Variants in CAST observed in about 807,000 individuals in gnomAD.
CAST encodes the protein calpastatin.
Under a neutral mutation model 119.6 loss-of-function variants are expected in CAST, and 76 were observed. The ratio of observed to expected loss-of-function variants is 0.64; its 90% CI spans 0.53 to 0.77. The LOEUF is 0.77. Among genes scored for constraint, CAST ranks in the 30% least tolerant of loss-of-function variants. The pLI is 0.00. For synonymous variants in CAST, 319 were observed against 331.6 expected (o/e 0.96, Z 0.41); for missense variants, 953 against 946.5 (o/e 1.01, Z -0.09).
chr5:96,647,677 A>G (rs1748033137), intron 1 of CAST, among the ~76,000 whole-genome samples: 1 of 152,126 alleles, frequency 6.6e-6, no homozygotes, highest in Non-Finnish European at 1.5e-5. Context: ...AAATAAATAA[A>G]CTAAACTGAG....
chr5:96,762,190 C>A, intron 24 of CAST, 84 bp from the exon 25 acceptor site: 1 of 734,034 alleles, frequency 1.4e-6, no homozygotes, highest in Non-Finnish European at 2.2e-6. Context: ...ATTAAGCTAT[C>A]TTTAAGAGTT....
the CAST span, among the ~76,000 whole-genome samples, chr5:96,319,502 C>T: frequency 6.6e-6 from 1 of 152,174 alleles, no homozygotes; most frequent in African/African-American, 2.4e-5. Context: ...GCTACACTAC[C>T]TTCCCCATGG....
At chr5:96,564,910 A>C (rs964410806) in intron 1 of CAST, among the ~76,000 whole-genome samples, 1 of 151,526 alleles carries the variant, frequency 6.6e-6, no homozygotes, top group Non-Finnish European at 1.5e-5. Flanking sequence ...CCCTGTCTCA[A>C]AAAAAAGTCA....
At chr5:95,963,615 A>G in the CAST span, among the ~76,000 whole-genome samples, 7 of 152,258 alleles carry the variant, frequency 4.6e-5, no homozygotes, top group African/African-American at 1.7e-4. Flanking sequence ...AGGCTTTACT[A>G]CCTAGTTTTC....
chr5:96,667,445 T>G (rs6897588), intron 1 of CAST, among the ~76,000 whole-genome samples: 46,476 of 152,008 alleles, frequency 0.31, 8,753 homozygotes, highest in African/African-American at 0.53. Context: ...ACTATTTAAA[T>G]TCTCATGATA....
the CAST span, among the ~76,000 whole-genome samples, chr5:96,435,674 C>G: frequency 6.6e-6 from 1 of 152,086 alleles, no homozygotes; most frequent in East Asian, 1.9e-4. Context: ...ATATAGAAAA[C>G]CGGATACTCC....
At chr5:96,728,796 T>G in intron 6 of CAST, 1 of 174,430 alleles carries the variant, frequency 5.7e-6, no homozygotes, top group South Asian at 1.4e-4. Flanking sequence ...TTTTCTAGAG[T>G]GGGATTAGCT....
At chr5:96,185,176 C>A in the CAST span, among the ~76,000 whole-genome samples, 3 of 152,134 alleles carry the variant, frequency 2.0e-5, no homozygotes, top group Non-Finnish European at 4.4e-5. Flanking sequence ...ATGTCCTTTG[C>A]CCACTTTTTA....
chr5:96,537,986 T>C (rs1745848103), intron 1 of CAST, among the ~76,000 whole-genome samples: 1 of 152,196 alleles, frequency 6.6e-6, no homozygotes, highest in Admixed American at 6.5e-5. Context: ...GCCCTCTCTT[T>C]CACTTGGCCT....
At chr5:96,546,788 C>T (rs1412152322) in intron 1 of CAST, among the ~76,000 whole-genome samples, 6 of 152,048 alleles carry the variant, frequency 3.9e-5, no homozygotes, top group Non-Finnish European at 1.5e-5. Context: ...ACCTTTTTTT[C>T]CACTCTATAG....
the CAST span, among the ~76,000 whole-genome samples, chr5:96,393,783 C>T: frequency 2.6e-5 from 4 of 152,170 alleles, no homozygotes; most frequent in African/African-American, 7.2e-5. Flanking sequence ...CCACTGGTTG[C>T]GGTAGCATGG....
chr5:96,443,642 C>A, the CAST span, among the ~76,000 whole-genome samples: 1 of 152,200 alleles, frequency 6.6e-6, no homozygotes, highest in African/African-American at 2.4e-5. Flanking sequence ...CACTTAGTAT[C>A]TTGAAAACAA....
intron 1 of CAST, among the ~76,000 whole-genome samples, chr5:96,606,493 C>T (rs1429128796): frequency 6.6e-6 from 1 of 152,130 alleles, no homozygotes; most frequent in African/African-American, 2.4e-5. Context: ...GGAGGACAGG[C>T]CTAGAGGAGG....
chr5:96,325,796 G>T, the CAST span, among the ~76,000 whole-genome samples: 1 of 152,118 alleles, frequency 6.6e-6, no homozygotes, highest in Admixed American at 6.6e-5. Flanking sequence ...CTCTTAGAAA[G>T]AAGCAATATA....
intron 1 of CAST, among the ~76,000 whole-genome samples, chr5:96,561,796 G>GTTTTTTTGTTTTTTTGTTTTTTTTTT: frequency 1.0e-5 from 1 of 97,422 alleles, no homozygotes; most frequent in East Asian, 3.6e-4. Flanking sequence ...GTTTTTTTTT[G>GTTTTTTTGTTTTTTTGTTTTTTTTTT]TTTTTTTTTT....
chr5:96,303,658 T>G, the CAST span, among the ~76,000 whole-genome samples: 2 of 150,220 alleles, frequency 1.3e-5, no homozygotes, highest in African/African-American at 2.4e-5. Context: ...TGTCCATGTG[T>G]TCTCATTATT....
At chr5:96,002,982 T>C in the CAST span, among the ~76,000 whole-genome samples, 2 of 152,096 alleles carry the variant, frequency 1.3e-5, no homozygotes, top group Admixed American at 1.3e-4. Context: ...ATGCCTGTAA[T>C]CCCAGCACTT....
At chr5:95,978,141 TA>T in the CAST span, among the ~76,000 whole-genome samples, 2 of 152,202 alleles carry the variant, frequency 1.3e-5, no homozygotes, top group African/African-American at 4.8e-5. Flanking sequence ...TAGAATGATT[TA>T]TATTTTTTTG....
chr5:96,721,221 G>T (rs1362052115), intron 3 of CAST, among the ~76,000 whole-genome samples: 2 of 152,034 alleles, frequency 1.3e-5, no homozygotes, highest in Non-Finnish European at 2.9e-5. Flanking sequence ...TTGGTGGAAG[G>T]GAGTGTCCAG....
Sources: allele counts gnomAD v4.1 joint callset (sites outside exome capture counted in the v4.1 genomes callset), GRCh38; gene constraint gnomAD v4.1.1; transcripts MANE v1.5; gene names NCBI Gene and HGNC (gene_info 2026-07-23, HGNC 2026-07-21).